The following FGF12 variants were observed in gnomAD, a reference collection of about 807,000 sequenced individuals.
The protein encoded by FGF12 is fibroblast growth factor 12.
Under a neutral mutation model 23.6 loss-of-function variants are expected in FGF12, and 14 were observed. The observed-to-expected ratio is 0.59, with a 90% confidence interval of 0.39 to 0.93. The LOEUF is 0.93. FGF12 is among the 40% of genes least tolerant of loss of function. The pLI is 0.00. For missense variants in FGF12, 175 were observed against 217.8 expected, an observed-to-expected ratio of 0.80 and a Z score of 1.24; for synonymous variants, 62 against 77.3, an observed-to-expected ratio of 0.80 and a Z score of 1.04.
At chr3:192,180,052 T>G (rs1319058701) in intron 4 of FGF12, among the ~76,000 whole-genome samples, 1 of 152,044 alleles carries the variant, frequency 6.6e-6, no homozygotes, top group Non-Finnish European at 1.5e-5. Flanking sequence ...CTGTGAGAGG[T>G]TAATTAAGAT....
At chr3:192,656,280 G>GACACACAC (rs61645270) in intron 2 of FGF12, among the ~76,000 whole-genome samples, 12 of 110,516 alleles carry the variant, frequency 1.1e-4, no homozygotes, top group Non-Finnish European at 2.2e-4. Context: ...AAGGTGAAAA[G>GACACACAC]ACACACACAC....
At chr3:192,508,185 G>C (rs145854893) in intron 2 of FGF12, among the ~76,000 whole-genome samples, 48 of 152,244 alleles carry the variant, frequency 3.2e-4, no homozygotes, top group African/African-American at 1.1e-3. Flanking sequence ...GAGTGGAGGG[G>C]GTAGGTCGGT....
intron 2 of FGF12, among the ~76,000 whole-genome samples, chr3:192,704,517 T>A (rs988113027): frequency 1.1e-4 from 17 of 152,222 alleles, no homozygotes; most frequent in African/African-American, 4.1e-4. Context: ...TGGCCTTTCA[T>A]CAAGGATTTG....
rs1483246842 is a variant in FGF12, at chr3:192,514,275, C to G, written c.14-153737G>C. ...AGCCATCTGTTTAAAAGTCCCCTCTCCTGTGGAACGCACGAGCAACTTTTC... is the reference window on the plus strand; with the variant it reads ...AGCCATCTGTTTAAAAGTCCCCTCTGCTGTGGAACGCACGAGCAACTTTTC... On this transcript the variant is annotated intron_variant, in intron 2 of 5. Coordinates refer to ENST00000445105, the MANE Select transcript of FGF12 (RefSeq NM_004113.6). This position sits in a 1 kb window ranked among gnomAD's most constrained non-coding sequence, Gnocchi z 4.9. Among the ~76,000 whole-genome samples, 2 of 152,252 alleles carry G rather than the reference C, an allele frequency of 1.3e-5. No homozygotes were observed. Among genetic ancestry groups the G allele is most frequent in the African/African-American group, 4.8e-5 (2 of 41,474 alleles).
intron 2 of FGF12, among the ~76,000 whole-genome samples, chr3:192,394,959 G>A (rs1720457248): frequency 6.6e-6 from 1 of 152,214 alleles, no homozygotes; most frequent in South Asian, 2.1e-4. Context: ...TGAACCCAGA[G>A]TGAATATGTT....
At chr3:192,532,752 A>C (rs1577039850) in intron 2 of FGF12, among the ~76,000 whole-genome samples, 3 of 152,292 alleles carry the variant, frequency 2.0e-5, no homozygotes, top group Middle Eastern at 3.4e-3. Flanking sequence ...ATTTGCCTTC[A>C]GGTATTTTTA....
At chr3:192,624,774 G>T (rs1715103607) in intron 2 of FGF12, among the ~76,000 whole-genome samples, 1 of 152,010 alleles carries the variant, frequency 6.6e-6, no homozygotes, top group African/African-American at 2.4e-5. Context: ...TTGTGATTAG[G>T]TAGCATAATC....
intron 2 of FGF12, among the ~76,000 whole-genome samples, chr3:192,599,423 A>G (rs1199056586): frequency 6.6e-6 from 1 of 151,886 alleles, no homozygotes; most frequent in East Asian, 1.9e-4. Context: ...CTTATATACT[A>G]CCTATATTAC....
chr3:192,695,394 G>C (rs1254038692), intron 2 of FGF12, among the ~76,000 whole-genome samples: 1 of 152,096 alleles, frequency 6.6e-6, no homozygotes, highest in Non-Finnish European at 1.5e-5. Flanking sequence ...GAAGGTAAGG[G>C]AGAAATGTCC....
At chr3:192,251,155 T>G (rs962537635) in intron 4 of FGF12, among the ~76,000 whole-genome samples, 6 of 152,130 alleles carry the variant, frequency 3.9e-5, no homozygotes, top group Non-Finnish European at 8.8e-5. Flanking sequence ...CACAACTCAC[T>G]TTTGTCTGTT....
chr3:192,270,078 T>A (rs1439309748), intron 4 of FGF12, among the ~76,000 whole-genome samples: 1 of 152,220 alleles, frequency 6.6e-6, no homozygotes, highest in Non-Finnish European at 1.5e-5. Context: ...CACATCCTCC[T>A]GCATTCTGAG....
intron 2 of FGF12, among the ~76,000 whole-genome samples, chr3:192,463,821 T>A (rs1722930881): frequency 6.6e-6 from 1 of 152,170 alleles, no homozygotes; most frequent in East Asian, 1.9e-4. Context: ...TGTTCTTTTT[T>A]TAGGTTAGTT....
chr3:192,692,797 A>T (rs114083916), intron 2 of FGF12, among the ~76,000 whole-genome samples: 3,699 of 152,184 alleles, frequency 0.024, 162 homozygotes, highest in African/African-American at 0.085. Context: ...ACTCACAAAA[A>T]ATAGGCATCA....
intron 3 of FGF12, among the ~76,000 whole-genome samples, chr3:192,338,056 A>G (rs1220083189): frequency 6.6e-6 from 1 of 152,182 alleles, no homozygotes; most frequent in Non-Finnish European, 1.5e-5. Context: ...ACCCAGGGGA[A>G]AATGCATCTA....
At chr3:192,404,820 C>G (rs1444526555) in intron 2 of FGF12, among the ~76,000 whole-genome samples, 1 of 152,192 alleles carries the variant, frequency 6.6e-6, no homozygotes, top group Non-Finnish European at 1.5e-5. Context: ...TAATGCTATA[C>G]GGTGGTCATT....
intron 2 of FGF12, among the ~76,000 whole-genome samples, chr3:192,407,756 C>G (rs1482399028): frequency 1.3e-5 from 2 of 150,918 alleles, no homozygotes; most frequent in African/African-American, 4.9e-5. Context: ...CTCAAGGACT[C>G]TACAGGCTCT....
intron 5 of FGF12, among the ~76,000 whole-genome samples, chr3:192,158,344 TTC>T (rs544876570): frequency 2.1e-5 from 2 of 93,546 alleles, no homozygotes; most frequent in African/African-American, 8.4e-5. Flanking sequence ...CTTTCTTTCT[TTC>T]TTTCTTTCTT....
At chr3:192,455,451 G>A (rs1385927928) in intron 2 of FGF12, among the ~76,000 whole-genome samples, 1 of 152,154 alleles carries the variant, frequency 6.6e-6, no homozygotes, top group Non-Finnish European at 1.5e-5. Flanking sequence ...TCAACATGGT[G>A]TACCTACAGC....
Position 192,335,419 on chromosome 3 carries a change from T to C in FGF12, c.170A>G (p.Gln57Arg). ...IPVGLRVVAI[Q>R]GVKASLYVAM... ...CACATAGAGGCTAGCCTTCACTCCT[T>C]GGATGGCCACTACACGCAGGCCCAC... is the stretch of plus-strand genomic sequence containing the variant. Residue 57 changes from glutamine (Q) to arginine (R), a missense_variant, in exon 4 of 6, where the codon CAA becomes CGA. Transcript: ENST00000445105. 1 of 1,613,272 alleles carries C rather than the reference T, an allele frequency of 6.2e-7. No homozygotes were observed. Among genetic ancestry groups the C allele is most frequent in the Non-Finnish European group, 8.5e-7 (1 of 1,179,480 alleles).
Sources: gnomAD v4.1 joint callset for allele counts (sites outside exome capture counted in the v4.1 genomes callset) on GRCh38, gnomAD v4.1.1 for gene constraint, Gnocchi (gnomAD v3.1) non-coding constraint, MANE v1.5 for transcripts, NCBI Gene and HGNC (gene_info 2026-07-23, HGNC 2026-07-21) for gene names.